ABCB5: variants seen among roughly 807,000 people sequenced by gnomAD.
ABCB5 encodes ATP-binding cassette sub-family B member 5.
Under a neutral mutation model 144.2 loss-of-function variants are expected in ABCB5, and 155 were observed. That is an observed-to-expected ratio of 1.08 (90% confidence interval 0.94 to 1.23). The LOEUF (loss-of-function observed/expected upper bound fraction) is 1.23. ABCB5 is among the 50% of genes most tolerant of loss of function. ABCB5 has a pLI of 0.00. For synonymous variants in ABCB5, 610 were observed against 528.6 expected (o/e 1.15, Z -2.11); for missense variants, 1,830 against 1,520.8 (o/e 1.20, Z -3.38).
At chr7:20,743,319 T>C (rs183981588) in intron 25 of ABCB5, among the ~76,000 whole-genome samples, 1 of 152,314 alleles carries the variant, frequency 6.6e-6, no homozygotes, top group Non-Finnish European at 1.5e-5. Context: ...GCAGAAATGT[T>C]GATCTTAGCC....
In ABCB5 at chr7:20,657,600, G is replaced by T. The variant is rs368026431; in HGVS notation, c.1537-906G>T. Among the ~76,000 whole-genome samples the T allele has an allele frequency of 2.0e-5, 3 of 152,280 alleles. No individual in the cohort carries two copies. In the East Asian group the frequency reaches 5.8e-4, roughly 29 times the overall value. On this transcript the variant is annotated intron_variant, in intron 13 of 27. Transcript: ENST00000404938. The stretch of plus-strand genomic sequence containing the variant: ...TATAGTGATAAAAATCAAATCAGCG[G>T]TATCTGCAGGCATGGTATGGGTTTT...
intron 4 of ABCB5, among the ~76,000 whole-genome samples, chr7:20,629,324 C>G (rs534116157): frequency 6.6e-6 from 1 of 152,090 alleles, no homozygotes; most frequent in Non-Finnish European, 1.5e-5. Context: ...GCTGACGTTA[C>G]GTAGGAATCA....
At chr7:20,677,834 C>T (rs781307190) in intron 14 of ABCB5, among the ~76,000 whole-genome samples, 12 of 152,144 alleles carry the variant, frequency 7.9e-5, no homozygotes, top group Admixed American at 6.5e-5. Context: ...TGGGAAAAAC[C>T]AGCTGAAGTA....
intron 11 of ABCB5, among the ~76,000 whole-genome samples, chr7:20,649,275 A>C (rs959984449): frequency 6.6e-6 from 1 of 152,142 alleles, no homozygotes; most frequent in Non-Finnish European, 1.5e-5. Context: ...TGTTTGGCTT[A>C]TGCAAAGGGT....
Position 20,645,609 on chromosome 7 carries a change from T to A in ABCB5, c.679-147T>A, listed in dbSNP as rs1035608561. 11 of 1,003,496 alleles carry A rather than the reference T, an allele frequency of 1.1e-5. No homozygotes were observed. In the African/African-American group the frequency reaches 1.8e-4, roughly 16 times the overall value. 62.2% of individuals were successfully genotyped at this position (1,003,496 alleles called of 1,614,324 possible). Reference sequence around the variant, plus strand: ...CTCTCTGAAATCTTACCTCTTAGTATTTGAAGACAAATTTTTAAAAATACA... The same window carrying A: ...CTCTCTGAAATCTTACCTCTTAGTAATTGAAGACAAATTTTTAAAAATACA... On this transcript the variant is annotated intron_variant, in intron 7 of 27. Transcript: ENST00000404938.
chr7:20,653,728 C>A (rs1266951383), intron 13 of ABCB5, among the ~76,000 whole-genome samples: 31 of 152,162 alleles, frequency 2.0e-4, no homozygotes, highest in Non-Finnish European at 2.9e-5. Context: ...GAGGCAGGGG[C>A]AGAAGCCCAG....
chr7:20,670,313 A>AG (rs1785420699), intron 14 of ABCB5, among the ~76,000 whole-genome samples: 1 of 152,018 alleles, frequency 6.6e-6, no homozygotes, highest in Non-Finnish European at 1.5e-5. Flanking sequence ...GTTAGAACGC[A>AG]GGGTACATGG....
At chr7:20,663,154 T>A (rs1785059718) in intron 14 of ABCB5, among the ~76,000 whole-genome samples, 1 of 152,238 alleles carries the variant, frequency 6.6e-6, no homozygotes, top group Non-Finnish European at 1.5e-5. Context: ...GCTTCAAGAT[T>A]ACACTGCCGG....
At chr7:20,692,514 T>A (rs1423185392) in intron 16 of ABCB5, among the ~76,000 whole-genome samples, 1 of 151,004 alleles carries the variant, frequency 6.6e-6, no homozygotes, top group East Asian at 1.9e-4. Flanking sequence ...AGAAGGAAAG[T>A]GATACTAGAT....
chr7:20,674,332 T>C (rs1785539501), intron 14 of ABCB5, among the ~76,000 whole-genome samples: 1 of 151,954 alleles, frequency 6.6e-6, no homozygotes, highest in Admixed American at 6.6e-5. Context: ...AGCTGTCATA[T>C]GTTTTTGTTT....
chr7:20,636,333 C>T (rs1360896003), intron 5 of ABCB5, among the ~76,000 whole-genome samples: 2 of 151,502 alleles, frequency 1.3e-5, no homozygotes, highest in Non-Finnish European at 2.9e-5. Flanking sequence ...ATAGGAGCAT[C>T]CATTTAAAAG....
rs1782615304 is a variant in ABCB5 at position 20,743,150 on chromosome 7, C to T, written c.3222+76C>T. 3.4e-6 allele frequency: 5 copies of T among 1,491,932 alleles called. No individual in the cohort carries two copies. The African/African-American group carries it at 4.2e-5, about 12-fold the overall frequency. The allele number at this position is 1,491,932 out of a possible 1,614,324, so 92.4% of individuals were successfully genotyped here. A position where few individuals can be genotyped will look rare whatever the true frequency, so the allele number is the denominator to read the frequency against. On this transcript the variant is annotated intron_variant, in intron 25 of 27. Coordinates refer to ENST00000404938, the MANE Select transcript of ABCB5 (RefSeq NM_001163941.2). ...TAAACATTCACTAGGGCTTAAGCAT[C>T]CCCACTGGTTTGGGTGGGGCAAACA... is the stretch of plus-strand genomic sequence containing the variant.
intron 20 of ABCB5, among the ~76,000 whole-genome samples, chr7:20,721,501 G>C (rs904926731): frequency 6.6e-6 from 1 of 152,010 alleles, no homozygotes; most frequent in Non-Finnish European, 1.5e-5. Flanking sequence ...ATTTATTTTT[G>C]ACCTTTCTCC....
At chr7:20,727,236 G>T (rs778172968) in intron 22 of ABCB5, 96 bp downstream of exon 22, 1 of 737,410 alleles carries the variant, frequency 1.4e-6, no homozygotes, top group Non-Finnish European at 2.1e-6. Context: ...TAATTCATTT[G>T]CTCTTGAGCC....
chr7:20,679,172 G>A (rs963024656), intron 14 of ABCB5, among the ~76,000 whole-genome samples: 1 of 152,062 alleles, frequency 6.6e-6, no homozygotes, highest in Non-Finnish European at 1.5e-5. Context: ...ACACCATTAA[G>A]AGAGTGAAAA....
intron 19 of ABCB5, among the ~76,000 whole-genome samples, chr7:20,702,828 ATT>A (rs5882755): frequency 0.038 from 4,285 of 114,148 alleles, 128 homozygotes; most frequent in African/African-American, 0.12. Flanking sequence ...CGCCTGGCTA[ATT>A]TTTTTTTTTT....
chr7:20,749,395 A>T (rs1177707659), intron 26 of ABCB5, among the ~76,000 whole-genome samples: 4 of 81,942 alleles, frequency 4.9e-5, no homozygotes, highest in East Asian at 3.2e-4. Flanking sequence ...TGCCTGCCTA[A>T]TTTTTTTTTT....
Position 20,674,825 on chromosome 7 carries a change from A to T in ABCB5, c.1708-6680A>T, listed in dbSNP as rs189412485. 4.6e-5 allele frequency among the ~76,000 whole-genome samples: 7 copies of T among 151,746 alleles called. No homozygotes were observed. In the East Asian group the frequency reaches 1.3e-3, roughly 29 times the overall value. On this transcript the variant is annotated intron_variant, in intron 14 of 27. Transcript: ENST00000404938. The stretch of plus-strand genomic sequence containing the variant: ...TAAATGAATTCAGTAAGGTTGCAGG[A>T]TATAAAATCAACATAAAAAAATTAG...
chr7:20,651,113 C>T (rs1784568713), intron 12 of ABCB5, among the ~76,000 whole-genome samples: 3 of 152,218 alleles, frequency 2.0e-5, no homozygotes, highest in Non-Finnish European at 1.5e-5. Context: ...TATGTGTCTA[C>T]ATAATAACAT....
Sources: gnomAD v4.1 joint callset for allele counts (sites outside exome capture counted in the v4.1 genomes callset) on GRCh38, gnomAD v4.1.1 for gene constraint, MANE v1.5 for transcripts, NCBI Gene and HGNC (gene_info 2026-07-23, HGNC 2026-07-21) for gene names.